MAP3K7CL: variants seen among roughly 807,000 people sequenced by gnomAD.
MAP3K7CL encodes the protein MAP3K7 C-terminal-like protein.
A neutral mutation model predicts 18.6 loss-of-function variants in MAP3K7CL; 16 were observed. That is an observed-to-expected ratio of 0.86 (90% CI 0.58 to 1.31). The LOEUF (loss-of-function observed/expected upper bound fraction) is 1.31. Ranked by LOEUF, MAP3K7CL falls within the 50% of genes most tolerant of loss-of-function variation. The pLI is 0.00. For synonymous variants in MAP3K7CL, 65 were observed against 66.8 expected (o/e 0.97, Z 0.13); for missense variants, 163 against 174.4 (o/e 0.93, Z 0.37).
chr21:29,112,686 T>C (rs1157243958), intron 4 of MAP3K7CL, among the ~76,000 whole-genome samples: 1 of 152,226 alleles, frequency 6.6e-6, no homozygotes, highest in African/African-American at 2.4e-5. Context: ...GATCTTTCTT[T>C]ATGATTTTTG....
intron 4 of MAP3K7CL, among the ~76,000 whole-genome samples, chr21:29,108,411 G>C (rs1393831209): frequency 6.6e-6 from 1 of 152,166 alleles, no homozygotes; most frequent in Non-Finnish European, 1.5e-5. Context: ...AATTCCTGTT[G>C]TTTAAGCCCT....
At chr21:29,101,553 C>T (rs571651644) in intron 4 of MAP3K7CL, among the ~76,000 whole-genome samples, 117 of 152,246 alleles carry the variant, frequency 7.7e-4, no homozygotes, top group African/African-American at 1.8e-3. Context: ...GGACTACAGG[C>T]GCCCGCCACC....
intron 4 of MAP3K7CL, among the ~76,000 whole-genome samples, chr21:29,098,222 G>A (rs1161943999): frequency 6.6e-6 from 1 of 152,140 alleles, no homozygotes; most frequent in African/African-American, 2.4e-5. Context: ...AATGAAATAA[G>A]CTAAATAAAA....
chr21:29,134,771 C>T (rs753908213), intron 2 of MAP3K7CL, among the ~76,000 whole-genome samples: 3 of 152,132 alleles, frequency 2.0e-5, no homozygotes, highest in Non-Finnish European at 2.9e-5. Flanking sequence ...ACCATGCAGC[C>T]GGGCACGGTG....
At chr21:29,142,484 T>G (rs953592340) in intron 2 of MAP3K7CL, among the ~76,000 whole-genome samples, 6 of 152,218 alleles carry the variant, frequency 3.9e-5, no homozygotes, top group Non-Finnish European at 8.8e-5. Flanking sequence ...ATTAGAGTCA[T>G]TGACCTTAAC....
chr21:29,089,631 A>G (rs2085987655), intron 1 of MAP3K7CL, among the ~76,000 whole-genome samples: 1 of 152,226 alleles, frequency 6.6e-6, no homozygotes, highest in South Asian at 2.1e-4. Context: ...TGTCTGCCAG[A>G]TTGGATTTAG....
At chr21:29,087,578 A>ATTTTCT (rs1491276908) in intron 1 of MAP3K7CL, among the ~76,000 whole-genome samples, 2 of 133,424 alleles carry the variant, frequency 1.5e-5, no homozygotes, top group African/African-American at 2.8e-5. Flanking sequence ...TCTAATGCTC[A>ATTTTCT]TTTTCTTTTT....
intron 3 of MAP3K7CL, among the ~76,000 whole-genome samples, chr21:29,154,162 A>C (rs1382867854): frequency 1.3e-5 from 2 of 152,208 alleles, no homozygotes; most frequent in East Asian, 3.9e-4. Flanking sequence ...TGGGAATTAA[A>C]TACGGTAATG....
chr21:29,110,292 C>T (rs901620509), intron 4 of MAP3K7CL, among the ~76,000 whole-genome samples: 4 of 152,224 alleles, frequency 2.6e-5, no homozygotes, highest in Admixed American at 1.3e-4. Flanking sequence ...AAGTCATTAA[C>T]TTTGAGGTAC....
At chr21:29,112,436 A>G (rs1048240773) in intron 4 of MAP3K7CL, among the ~76,000 whole-genome samples, 3 of 152,160 alleles carry the variant, frequency 2.0e-5, no homozygotes, top group Non-Finnish European at 2.9e-5. Flanking sequence ...TCTTCCTTGC[A>G]ATTAGTATTA....
chr21:29,101,180 A>G (rs899703739), intron 4 of MAP3K7CL, among the ~76,000 whole-genome samples: 1 of 152,148 alleles, frequency 6.6e-6, no homozygotes, highest in Non-Finnish European at 1.5e-5. Context: ...CTCAGCATCT[A>G]CTACAAAGCT....
At chr21:29,133,574 C>A (rs1245629405) in intron 2 of MAP3K7CL, among the ~76,000 whole-genome samples, 160 bp downstream of exon 2, 1 of 152,164 alleles carries the variant, frequency 6.6e-6, no homozygotes, top group African/African-American at 2.4e-5. Flanking sequence ...TGGCGGCTTC[C>A]AGAAATGCCT....
chr21:29,154,789 C>T (rs1170034429), intron 3 of MAP3K7CL, among the ~76,000 whole-genome samples: 2 of 152,222 alleles, frequency 1.3e-5, no homozygotes, highest in Non-Finnish European at 2.9e-5. Flanking sequence ...CTCATACACA[C>T]ATTGAAAAGT....
intron 4 of MAP3K7CL, among the ~76,000 whole-genome samples, chr21:29,163,854 C>T (rs2087616782): frequency 6.6e-6 from 1 of 151,874 alleles, no homozygotes; most frequent in African/African-American, 2.4e-5. Context: ...TGCCAGCATG[C>T]CCAGTTAATT....
rs535369501 is a variant in MAP3K7CL at position 29,106,260 on chromosome 21, C to T, written c.370+13679C>T. ...GGAGTACAGCGGCATGATCTCAGCT[C>T]ACCACAACCTCTGCCTCCCGGGTTC... On this transcript the variant is annotated intron_variant, in intron 4 of 6. Transcript: ENST00000286791. 9.2e-5 allele frequency among the ~76,000 whole-genome samples: 14 copies of T among 152,210 alleles called. No homozygotes were observed. The South Asian group carries it at 2.9e-3, about 32-fold the overall frequency.
chr21:29,079,250 G>A (rs912878466), intron 1 of MAP3K7CL, among the ~76,000 whole-genome samples: 1 of 152,204 alleles, frequency 6.6e-6, no homozygotes, highest in Non-Finnish European at 1.5e-5. Flanking sequence ...ATCTTCTCGT[G>A]TTCCAGGTGG....
At chr21:29,085,903 G>A in exon 1 of MAP3K7CL, 1 of 1,614,138 alleles carries the variant, frequency 6.2e-7, no homozygotes, top group Non-Finnish European at 8.5e-7. Context: ...GTGGAACGAG[G>A]CAGCAGATCT....
intron 4 of MAP3K7CL, among the ~76,000 whole-genome samples, chr21:29,170,401 T>C (rs551421581): frequency 2.0e-5 from 3 of 152,340 alleles, no homozygotes; most frequent in East Asian, 3.9e-4. Flanking sequence ...TGATTTTTTA[T>C]CTCTGACAAT....
chr21:29,146,378 A>G (rs140639153), intron 2 of MAP3K7CL, among the ~76,000 whole-genome samples: 31 of 152,358 alleles, frequency 2.0e-4, no homozygotes, highest in Non-Finnish European at 3.7e-4. Context: ...AAACGCACTT[A>G]AGAACAAAAT....
Sources: gnomAD v4.1 joint callset for allele counts (sites outside exome capture counted in the v4.1 genomes callset) on GRCh38, gnomAD v4.1.1 for gene constraint, MANE v1.5 for transcripts, NCBI Gene and HGNC (gene_info 2026-07-23, HGNC 2026-07-21) for gene names.